CECR2: variants seen among roughly 807,000 people sequenced by gnomAD.
The protein encoded by CECR2 is CECR2 histone acetyl-lysine reader.
In CECR2, 30 loss-of-function variants were observed where a neutral mutation model predicts 154.5. That is an observed-to-expected ratio of 0.19 (90% CI 0.15 to 0.26). CECR2 has a LOEUF of 0.26. Ranked by LOEUF, CECR2 falls within the 10% of genes least tolerant of loss-of-function variation. The probability of loss-of-function intolerance (pLI) is 1.00; values close to 1 mark genes in which losing one functional copy is unlikely to be tolerated. For missense variants in CECR2, 1,743 were observed against 1,829.3 expected, an observed-to-expected ratio of 0.95 and a Z score of 0.86; for synonymous variants, 725 against 683.7, an observed-to-expected ratio of 1.06 and a Z score of -0.94.
At position 17,504,936 on chromosome 22, in the gene CECR2, A is replaced by G. The variant is rs960200515; in HGVS notation, c.790A>G (p.Thr264Ala). 34 of 1,612,524 alleles carry G rather than the reference A, an allele frequency of 2.1e-5. No individual in the cohort carries two copies. Among genetic ancestry groups the G allele is most frequent in the Non-Finnish European group, 2.7e-5 (32 of 1,179,604 alleles). The change falls in exon 7 of 19, where the codon ACC becomes GCC. Residue 264 changes from threonine (T) to alanine (A), a missense_variant. Thr to Ala is a moderately conservative substitution (Grantham distance 58, BLOSUM62 0). Transcript: ENST00000262608. The stretch of plus-strand genomic sequence containing the variant: ...GGTCACCGAGAGTTTTCGCGAGAGG[A>G]CCTCCCTTCGAGAACGGCAGCTCTA... Reference protein sequence around the residue: ...RQVTESFRERTSLRERQLYKL... With the variant: ...RQVTESFRERASLRERQLYKL...
At chr22:17,416,899 CCAT>C (rs2054163606) in intron 1 of CECR2, among the ~76,000 whole-genome samples, 2 of 152,094 alleles carry the variant, frequency 1.3e-5, no homozygotes, top group African/African-American at 4.8e-5. Flanking sequence ...AAATAAAGCA[CCAT>C]TGGATACCAA....
chr22:17,381,951 A>G (rs544100711), intron 1 of CECR2, among the ~76,000 whole-genome samples: 4 of 151,414 alleles, frequency 2.6e-5, no homozygotes, highest in East Asian at 1.9e-4. Context: ...GCAGTGGCAC[A>G]ATCTTGGCTC....
intron 8 of CECR2, among the ~76,000 whole-genome samples, chr22:17,520,228 T>G (rs2056133271): frequency 6.6e-6 from 1 of 152,256 alleles, no homozygotes; most frequent in Admixed American, 6.5e-5. Context: ...GGTTTACACC[T>G]ATTGTCTTTT....
At chr22:17,366,271 C>T (rs146076432), upstream of CECR2, among the ~76,000 whole-genome samples, 1,815 of 152,284 alleles carry the variant, frequency 0.012, 134 homozygotes, top group East Asian at 0.21. Context: ...TCACTGCAAC[C>T]TCTGCCTCCC....
In CECR2 at chr22:17,542,554, C is replaced by G. The variant is rs1422176388; in HGVS notation, c.2411C>G (p.Thr804Ser). 2 of 1,614,022 alleles carry G rather than the reference C, an allele frequency of 1.2e-6. No homozygotes were observed. Among genetic ancestry groups the G allele is most frequent in the East Asian group, 4.5e-5 (2 of 44,876 alleles). The part of the protein sequence containing the change: ...LGPGPSHQPR[T>S]LGHVMDSRVM... ...CCAGGACCCTCTCACCAGCCTCGCA[C>G]TCTCGGTCACGTGATGGATTCCCGA... The change falls in exon 16 of 19, where the codon ACT (threonine) becomes AGT (serine). Residue 804 changes from threonine (T) to serine (S), a missense_variant. Coordinates refer to ENST00000262608, the MANE Select transcript of CECR2 (RefSeq NM_001290047.2).
intron 6 of CECR2, among the ~76,000 whole-genome samples, chr22:17,503,769 C>A (rs1460426348): frequency 2.0e-5 from 3 of 151,930 alleles, no homozygotes; most frequent in African/African-American, 7.3e-5. Context: ...AAAAAGAGGC[C>A]ATTGTGGCGG....
chr22:17,529,283 G>C (rs2056314954), intron 9 of CECR2, among the ~76,000 whole-genome samples: 1 of 152,160 alleles, frequency 6.6e-6, no homozygotes, highest in Non-Finnish European at 1.5e-5. Context: ...AAGGCTGGCT[G>C]GAAGTCCCGG....
intron 1 of CECR2, among the ~76,000 whole-genome samples, chr22:17,361,613 C>G (rs2062978067): frequency 6.6e-6 from 1 of 151,906 alleles, no homozygotes; most frequent in Admixed American, 6.6e-5. Context: ...GTGGCGGGCA[C>G]CCATAATTCT....
intron 1 of CECR2, among the ~76,000 whole-genome samples, chr22:17,407,129 G>T (rs2053996086): frequency 6.6e-6 from 1 of 152,162 alleles, no homozygotes; most frequent in Non-Finnish European, 1.5e-5. Context: ...ACTTTCTTTG[G>T]ATAGAAACTT....
intron 1 of CECR2, among the ~76,000 whole-genome samples, chr22:17,463,721 G>A (rs890138325): frequency 2.0e-5 from 3 of 152,084 alleles, no homozygotes; most frequent in African/African-American, 7.2e-5. Flanking sequence ...CGGGCACTGG[G>A]ATAAGGGGAC....
intron 1 of CECR2, among the ~76,000 whole-genome samples, chr22:17,380,274 C>T (rs1569042968): frequency 6.6e-6 from 1 of 152,182 alleles, no homozygotes; most frequent in African/African-American, 2.4e-5. Context: ...ATAATTCTCT[C>T]ATGTGTTCTT....
rs201991976 is a variant in CECR2, at chr22:17,419,522, AGAAGAAGAG to A, written c.126+49619_126+49627del. 3.3e-3 allele frequency: 598 copies of A among 182,756 alleles called. 4 individuals are homozygous for A. Among genetic ancestry groups the A allele is most frequent in the African/African-American group, 0.023 (475 of 20,636 alleles). The allele number at this position is 182,756 out of a possible 1,614,324, so 11.3% of individuals were successfully genotyped here. ...AAGAGGAAGAGGAGGAAGAAGAAGA[AGAAGAAGAG>A]GAAGAGGAAGAGGAAGAGGAGGAGG... is the stretch of plus-strand genomic sequence containing the variant. On this transcript the variant is annotated intron_variant, in intron 1 of 18. Coordinates refer to ENST00000262608, the MANE Select transcript of CECR2 (RefSeq NM_001290047.2).
At chr22:17,398,595 C>T (rs969404203) in intron 1 of CECR2, among the ~76,000 whole-genome samples, 3 of 152,198 alleles carry the variant, frequency 2.0e-5, no homozygotes, top group East Asian at 1.9e-4. Context: ...ATCCACAGTG[C>T]TTCTGTGACA....
At chr22:17,427,064 A>G (rs1285955698) in intron 1 of CECR2, among the ~76,000 whole-genome samples, 4 of 151,766 alleles carry the variant, frequency 2.6e-5, no homozygotes, top group Non-Finnish European at 4.4e-5. Flanking sequence ...CCTGTGTCCA[A>G]GTGTTCTCAT....
rs1167987914 is a variant in CECR2, at chr22:17,537,557, G to A, written c.1238+325G>A. Among the ~76,000 whole-genome samples, 8 of 152,248 alleles carry A rather than the reference G, an allele frequency of 5.3e-5. No homozygotes were observed. In the South Asian group the frequency reaches 1.0e-3, roughly 20 times the overall value. The stretch of plus-strand genomic sequence containing the variant: ...ATTCTTTTTAAAGTAATTACTTCCC[G>A]TGACAGTACTAGGTACCATTTGTCT... On this transcript the variant is annotated intron_variant, in intron 10 of 18. Coordinates refer to ENST00000262608, the MANE Select transcript of CECR2 (RefSeq NM_001290047.2).
At chr22:17,397,291 C>G (rs184000419) in intron 1 of CECR2, among the ~76,000 whole-genome samples, 142 of 152,076 alleles carry the variant, frequency 9.3e-4, no homozygotes, top group Admixed American at 2.8e-3. Flanking sequence ...AGGCACACAC[C>G]ACCACACCTG....
chr22:17,430,174 A>C (rs1211362826), intron 1 of CECR2, among the ~76,000 whole-genome samples: 1 of 152,154 alleles, frequency 6.6e-6, no homozygotes, highest in African/African-American at 2.4e-5. Flanking sequence ...TGCTGTTATC[A>C]TTTTATCTGC....
chr22:17,409,781 A>G (rs1386392389), intron 1 of CECR2, among the ~76,000 whole-genome samples: 3 of 110,946 alleles, frequency 2.7e-5, no homozygotes, highest in African/African-American at 9.0e-5. Context: ...TATCCTATGC[A>G]TTCTTGTATT....
chr22:17,502,816 T>C (rs1245242343), intron 5 of CECR2, among the ~76,000 whole-genome samples: 2 of 152,006 alleles, frequency 1.3e-5, no homozygotes, highest in Non-Finnish European at 2.9e-5. Context: ...AAAATAAAAA[T>C]AAAAAATAAA....
Sources: allele counts gnomAD v4.1 joint callset (sites outside exome capture counted in the v4.1 genomes callset), GRCh38; gene constraint gnomAD v4.1.1; transcripts MANE v1.5; gene names NCBI Gene and HGNC (gene_info 2026-07-23, HGNC 2026-07-21).